The following KLHL1 variants were observed in gnomAD, a reference collection of about 807,000 sequenced individuals.
KLHL1 encodes kelch-like protein 1.
KLHL1 carries 47 observed loss-of-function variants against 77.7 expected under a neutral mutation model. The observed-to-expected ratio is 0.60, with a 90% CI of 0.48 to 0.77. The LOEUF is 0.77. Ranked by LOEUF, KLHL1 falls within the 30% of genes least tolerant of loss-of-function variation. The pLI, the probability that KLHL1 is intolerant of heterozygous loss-of-function variation, is 0.00. For synonymous variants in KLHL1, 360 were observed against 325.2 expected, an observed-to-expected ratio of 1.11 and a Z score of -1.15; for missense variants, 925 against 910.8, an observed-to-expected ratio of 1.02 and a Z score of -0.20.
chr13:69,798,946 G>A (rs981450336), intron 6 of KLHL1, among the ~76,000 whole-genome samples: 6 of 151,884 alleles, frequency 4.0e-5, no homozygotes, highest in African/African-American at 7.3e-5. Context: ...TAAAATAGCC[G>A]GGCATGGTGG....
At chr13:69,847,681 T>C (rs886571592) in intron 5 of KLHL1, among the ~76,000 whole-genome samples, 5 of 151,590 alleles carry the variant, frequency 3.3e-5, no homozygotes, top group African/African-American at 9.7e-5. Flanking sequence ...CAAAATTTCA[T>C]GTACTTCATC....
At chr13:69,985,756 GA>G (rs1430893081) in intron 1 of KLHL1, among the ~76,000 whole-genome samples, 4 of 145,588 alleles carry the variant, frequency 2.7e-5, no homozygotes, top group Non-Finnish European at 4.5e-5. Flanking sequence ...AGGCTAAATG[GA>G]TAAACAAAAA....
At chr13:70,095,531 TTTTTAA>T (rs1281116005) in intron 1 of KLHL1, among the ~76,000 whole-genome samples, 1 of 152,110 alleles carries the variant, frequency 6.6e-6, no homozygotes. Flanking sequence ...AATATTTAAG[TTTTTAA>T]TTTTAAATTG....
intron 1 of KLHL1, among the ~76,000 whole-genome samples, chr13:70,096,700 A>T: frequency 6.6e-6 from 1 of 150,622 alleles, no homozygotes. Context: ...ATATCATGTC[A>T]TTTTCTCTTT....
intron 2 of KLHL1, among the ~76,000 whole-genome samples, chr13:69,973,246 T>C (rs960672073): frequency 1.3e-5 from 2 of 151,820 alleles, no homozygotes; most frequent in African/African-American, 4.8e-5. Context: ...ACATACACCA[T>C]ATAACCAGCA....
intron 7 of KLHL1, 70 bp from the exon 8 acceptor site, chr13:69,740,626 G>T (rs1309327934): frequency 1.7e-6 from 2 of 1,186,930 alleles, no homozygotes; most frequent in Non-Finnish European, 2.4e-6. Context: ...AATCTGTTAA[G>T]TGGGTAGATC....
At position 69,757,244 on chromosome 13, in the gene KLHL1, T is replaced by C. The variant is rs143102592; in HGVS notation, c.1640-16688A>G. Among the ~76,000 whole-genome samples, 11 of 152,210 alleles carry C rather than the reference T, an allele frequency of 7.2e-5. No homozygotes were observed. In the East Asian group the frequency reaches 1.9e-3, roughly 27 times the overall value. ...CTTGTAAGTAACTTACAGAAATGCA[T>C]AAGAATATGAACAAGACCACATATG... On this transcript the variant is annotated intron_variant, in intron 7 of 10. Transcript: ENST00000377844.
intron 3 of KLHL1, among the ~76,000 whole-genome samples, chr13:69,943,129 T>A (rs1042572736): frequency 6.6e-6 from 1 of 152,048 alleles, no homozygotes; most frequent in Non-Finnish European, 1.5e-5. Context: ...GTATAGGTGA[T>A]CTTGTACCCT....
At chr13:69,707,985 T>A (rs1407585619) in intron 9 of KLHL1, among the ~76,000 whole-genome samples, 189 bp from the exon 10 acceptor site, 2 of 152,040 alleles carry the variant, frequency 1.3e-5, no homozygotes, top group Non-Finnish European at 2.9e-5. Context: ...CTTTAAGGTA[T>A]TTTAAAAATG....
At chr13:70,025,786 A>C (rs1264180463) in intron 1 of KLHL1, among the ~76,000 whole-genome samples, 2 of 152,014 alleles carry the variant, frequency 1.3e-5, no homozygotes, top group Non-Finnish European at 2.9e-5. Flanking sequence ...TCAATTTTAA[A>C]AGCAATTCTG....
At chr13:69,773,505 A>G (rs1483394688) in intron 7 of KLHL1, among the ~76,000 whole-genome samples, 1 of 152,024 alleles carries the variant, frequency 6.6e-6, no homozygotes, top group East Asian at 1.9e-4. Context: ...AATAGTGAGC[A>G]CTCAGTAATA....
chr13:70,052,657 T>C (rs1488952681), intron 1 of KLHL1, among the ~76,000 whole-genome samples: 1 of 151,870 alleles, frequency 6.6e-6, no homozygotes, highest in Admixed American at 6.6e-5. Context: ...AAAAATAACC[T>C]CTTTATTTCC....
chr13:70,107,783 G>A lies in KLHL1; in HGVS notation c.-84C>T. 9.2e-7 allele frequency: 1 copy of A among 1,088,000 alleles called. No homozygotes were observed. The highest frequency in any genetic ancestry group is 2.6e-5 in the East Asian group (1 of 38,644). 67.4% of individuals were successfully genotyped at this position (1,088,000 alleles called of 1,614,324 possible). A position where few individuals can be genotyped will look rare whatever the true frequency, so the allele number is the denominator to read the frequency against. The stretch of plus-strand genomic sequence containing the variant: ...GTGGGGGAGGACAGCGGGGCCCGGG[G>A]GCGGAGGAAGAGGCGGGATGCGCCC... On this transcript the variant is annotated 5_prime_UTR_variant, in exon 1 of 11. Coordinates refer to ENST00000377844, the MANE Select transcript of KLHL1 (RefSeq NM_020866.3).
rs2501223 is a variant in KLHL1, at chr13:69,962,197, C to T, written c.681-753G>A. Among the ~76,000 whole-genome samples the T allele has an allele frequency of 6.6e-3, 1,003 of 151,812 alleles. 15 individuals carry two copies. Among genetic ancestry groups the T allele is most frequent in the African/African-American group, 0.023 (957 of 41,464 alleles). On this transcript the variant is annotated intron_variant, in intron 2 of 10. Coordinates refer to ENST00000377844, the MANE Select transcript of KLHL1 (RefSeq NM_020866.3). ...TTGCTATATAGATTCTTGGTTGATTCTTATATTGTTACAATTTTGTTGGCT... is the reference window on the plus strand; with the variant it reads ...TTGCTATATAGATTCTTGGTTGATTTTTATATTGTTACAATTTTGTTGGCT...
At chr13:70,077,301 C>G (rs1887288419) in intron 1 of KLHL1, among the ~76,000 whole-genome samples, 1 of 151,750 alleles carries the variant, frequency 6.6e-6, no homozygotes, top group South Asian at 2.1e-4. Flanking sequence ...GCTCTTAAGT[C>G]TCAAAAATAC....
At chr13:69,958,043 C>T (rs1340643930) in intron 3 of KLHL1, among the ~76,000 whole-genome samples, 3 of 151,702 alleles carry the variant, frequency 2.0e-5, no homozygotes, top group Non-Finnish European at 4.4e-5. Flanking sequence ...ACAACCTCAT[C>T]ATTATCCTAA....
At position 69,975,670 on chromosome 13, in the gene KLHL1, TTGCTGC is replaced by T; in HGVS notation, c.624_629del (p.Gln209_Gln210del). ...CAACAATCAGGATAACATCACAAAGTTGCTGCTGCTTCAAATAACTTTCCATCTTTC... is the reference window on the plus strand; with the variant it reads ...CAACAATCAGGATAACATCACAAAGTTGCTTCAAATAACTTTCCATCTTTC... On this transcript the variant is annotated inframe_deletion, in exon 2 of 11. Transcript: ENST00000377844. 6.2e-7 allele frequency: 1 copy of T among 1,613,716 alleles called. No individual in the cohort carries two copies. The highest frequency in any genetic ancestry group is 8.5e-7 in the Non-Finnish European group (1 of 1,179,776).
intron 4 of KLHL1, among the ~76,000 whole-genome samples, chr13:69,900,966 T>C (rs1158198325): frequency 6.6e-6 from 1 of 152,230 alleles, no homozygotes. Flanking sequence ...CAAAAAAACC[T>C]TGGTCCATTA....
intron 1 of KLHL1, among the ~76,000 whole-genome samples, chr13:69,983,576 C>CAAAAAAAAAAAAAAAAAAA (rs1282357751): frequency 1.1e-3 from 45 of 40,604 alleles, no homozygotes; most frequent in Non-Finnish European, 1.3e-3. Flanking sequence ...CCTATCTTTA[C>CAAAAAAAAAAAAAAAAAAA]AAAAAAAAAA....
Sources: allele counts gnomAD v4.1 joint callset (sites outside exome capture counted in the v4.1 genomes callset), GRCh38; gene constraint gnomAD v4.1.1; transcripts MANE v1.5; gene names NCBI Gene and HGNC (gene_info 2026-07-23, HGNC 2026-07-21).